AK9: variants seen among roughly 807,000 people sequenced by gnomAD.
AK9 encodes the protein adenylate kinase domain containing 1.
In AK9, 191 loss-of-function variants were observed where a neutral mutation model predicts 239.6. The observed-to-expected ratio is 0.80, with a 90% CI of 0.71 to 0.90. The LOEUF (loss-of-function observed/expected upper bound fraction) is 0.90, where lower values mean the gene tolerates loss of function less well. AK9 is among the 40% of genes least tolerant of loss of function. The pLI, the probability that AK9 is intolerant of heterozygous loss-of-function variation, is 0.00. For synonymous variants in AK9, 689 were observed against 721.0 expected, an observed-to-expected ratio of 0.96 and a Z score of 0.71; for missense variants, 1,995 against 2,214.7, an observed-to-expected ratio of 0.90 and a Z score of 1.99.
At chr6:109,536,121 A>C (rs1582889889) in intron 27 of AK9, among the ~76,000 whole-genome samples, 1 of 152,116 alleles carries the variant, frequency 6.6e-6, no homozygotes, top group East Asian at 1.9e-4. Flanking sequence ...ACTTTAAGAT[A>C]GTTTTTTTCC....
chr6:109,590,876 C>T (rs1402891120), intron 17 of AK9, among the ~76,000 whole-genome samples: 1 of 152,058 alleles, frequency 6.6e-6, no homozygotes, highest in Non-Finnish European at 1.5e-5. Context: ...CCACTTTGGT[C>T]CAAGAAGGTA....
In AK9 at chr6:109,506,774, G is replaced by GT; in HGVS notation, c.4507dup (p.Thr1503AsnfsTer2). Reference sequence around the variant, plus strand: ...TTCCAAGAGATTCATTTGATGTTTAGTTACAGGATATCCATCGATGACAAC... The same window carrying GT: ...TTCCAAGAGATTCATTTGATGTTTAGTTTACAGGATATCCATCGATGACAAC... On this transcript the variant is annotated frameshift_variant, in exon 34 of 41. Coordinates refer to ENST00000424296, the MANE Select transcript of AK9 (RefSeq NM_001145128.3). LOFTEE classifies it high-confidence loss of function. The GT allele has an allele frequency of 6.6e-7, 1 of 1,511,506 alleles. No homozygotes were observed. Among genetic ancestry groups the GT allele is most frequent in the Non-Finnish European group, 8.9e-7 (1 of 1,123,526 alleles). 93.6% of individuals were successfully genotyped at this position (1,511,506 alleles called of 1,614,324 possible). A position where few individuals can be genotyped will look rare whatever the true frequency, so the allele number is the denominator to read the frequency against.
chr6:109,643,254 C>T (rs192307451), intron 9 of AK9, among the ~76,000 whole-genome samples: 68 of 152,300 alleles, frequency 4.5e-4, no homozygotes, highest in Non-Finnish European at 1.5e-4. Context: ...AGAGCATGTC[C>T]CAAGTGAGGA....
chr6:109,637,059 GTTAT>G (rs1796812020), intron 10 of AK9, among the ~76,000 whole-genome samples: 1 of 152,062 alleles, frequency 6.6e-6, no homozygotes, highest in Non-Finnish European at 1.5e-5. Context: ...ATCAACATTT[GTTAT>G]TTCTCATTTT....
intron 17 of AK9, among the ~76,000 whole-genome samples, chr6:109,597,002 TTA>T (rs1287981592): frequency 1.3e-5 from 2 of 152,262 alleles, no homozygotes; most frequent in Non-Finnish European, 2.9e-5. Context: ...TGTTAAATAT[TTA>T]TGTCATTTGT....
chr6:109,573,462 G>T lies in AK9; in HGVS notation c.2324C>A (p.Pro775His). The change falls in exon 21 of 41, where the codon CCT becomes CAT. Residue 775 changes from proline to histidine, a missense_variant. Pro to His is a moderately conservative substitution (Grantham distance 77, BLOSUM62 -2). This residue lies in a region of AK9 where 1,290 missense variants were observed against 1,392.7 expected (regional missense o/e 0.93). Coordinates refer to ENST00000424296, the MANE Select transcript of AK9 (RefSeq NM_001145128.3). Reference sequence around the variant, plus strand: ...CTAACCTGCTTCAGGCTCAGTTTCAGGGACCTCAGATGCTTCAAACTCCTC... The same window carrying T: ...CTAACCTGCTTCAGGCTCAGTTTCATGGACCTCAGATGCTTCAAACTCCTC... ...LPEEFEASEV[P>H]ETEPEAVSEP... is the part of the protein sequence containing the mutation. 1 of 1,548,976 alleles carries T rather than the reference G, an allele frequency of 6.5e-7. No homozygotes were observed. The highest frequency in any genetic ancestry group is 1.2e-5 in the South Asian group (1 of 83,480).
At position 109,662,582 on chromosome 6, in the gene AK9, TTTAAG is replaced by T; in HGVS notation, c.408_412del (p.Asn136LysfsTer5). 1 of 1,578,780 alleles carries T rather than the reference TTTAAG, an allele frequency of 6.3e-7. No individual in the cohort carries two copies. The highest frequency in any genetic ancestry group is 1.8e-5 in the Admixed American group (1 of 56,328). On this transcript the variant is annotated frameshift_variant, in exon 6 of 41. Coordinates refer to ENST00000424296, the MANE Select transcript of AK9 (RefSeq NM_001145128.3). LOFTEE classifies it high-confidence loss of function. ...ATTGATTATAACATCAGGTTTCAGG[TTTAAG>T]TTTTTAATTAATTCTATTTGCTGTA...
Position 109,644,597 on chromosome 6 carries a change from CT to C in AK9, c.834+16del. On this transcript the variant is annotated intron_variant, in intron 9 of 40. Coordinates refer to ENST00000424296, the MANE Select transcript of AK9 (RefSeq NM_001145128.3). ...TTTTCCATGCTGTGAAGTATTCCTG[CT>C]TAACACTGCACTCACCATAAAGAGC... is the stretch of plus-strand genomic sequence containing the variant. 1 of 1,588,956 alleles carries C rather than the reference CT, an allele frequency of 6.3e-7. No homozygotes were observed. The highest frequency in any genetic ancestry group is 8.6e-7 in the Non-Finnish European group (1 of 1,169,428).
intron 12 of AK9, among the ~76,000 whole-genome samples, chr6:109,627,133 CTTTTTTTT>C (rs71018357): frequency 3.0e-5 from 2 of 67,308 alleles, no homozygotes; most frequent in African/African-American, 1.2e-4. Flanking sequence ...GATGTTTAAG[CTTTTTTTT>C]TTTTTTTTTT....
Position 109,633,281 on chromosome 6 carries a change from G to C in AK9, c.976C>G (p.Pro326Ala). 6.2e-7 allele frequency: 1 copy of C among 1,607,514 alleles called. No homozygotes were observed. Among genetic ancestry groups the C allele is most frequent in the African/African-American group, 1.3e-5 (1 of 74,742 alleles). ...RTLASYKLIA[P>A]RYRWQRSKWG... Reference sequence around the variant, plus strand: ...TTACTTCTTTGCCATCTGTATCTTGGTGCAATAAGTTTATAAGATGCAAGA... The same window carrying C: ...TTACTTCTTTGCCATCTGTATCTTGCTGCAATAAGTTTATAAGATGCAAGA... Residue 326 changes from proline (P) to alanine (A), a missense_variant, in exon 11 of 41, where the codon CCA (proline) becomes GCA (alanine). Physicochemically the swap from Pro to Ala is conservative, Grantham distance 27. Transcript: ENST00000424296.
At chr6:109,546,155 G>GT in intron 25 of AK9, 28 bp from the exon 26 acceptor site, 1 of 1,329,306 alleles carries the variant, frequency 7.5e-7, no homozygotes, top group Non-Finnish European at 1.0e-6. Flanking sequence ...TCAGGGAGGG[G>GT]TGGGATAAAG....
chr6:109,604,369 C>T (rs1413287471), intron 17 of AK9, among the ~76,000 whole-genome samples: 2 of 152,104 alleles, frequency 1.3e-5, no homozygotes, highest in Non-Finnish European at 1.5e-5. Context: ...AATAAAATAT[C>T]ATTTTTACGT....
At chr6:109,510,516 C>T (rs1393588204) in intron 32 of AK9, among the ~76,000 whole-genome samples, 1 of 152,066 alleles carries the variant, frequency 6.6e-6, no homozygotes, top group Non-Finnish European at 1.5e-5. Flanking sequence ...CTCTCCAGGG[C>T]CTCCTCTCTG....
In AK9 at chr6:109,576,420, C is replaced by CTT. The variant is rs3060763; in HGVS notation, c.2192-2828_2192-2827dup. Among the ~76,000 whole-genome samples, 409 of 103,504 alleles carry CTT rather than the reference C, an allele frequency of 4.0e-3. 7 individuals are homozygous for CTT. The highest frequency in any genetic ancestry group is 0.013 in the African/African-American group (391 of 30,096). The allele number at this position is 103,504 out of a possible 152,430, so 67.9% of individuals were successfully genotyped here. On this transcript the variant is annotated intron_variant, in intron 20 of 40. Transcript: ENST00000424296. ...GGTTAGGTGTATATACATATATATA[C>CTT]TTTTTTTTTTTTTTTTTGCAGCTGT...
intron 1 of AK9, among the ~76,000 whole-genome samples, chr6:109,678,674 T>C (rs1772122799): frequency 1.3e-5 from 2 of 152,076 alleles, no homozygotes. Context: ...GCAAGATAGC[T>C]GAATAGGAAC....
chr6:109,620,459 T>A (rs1400836191), intron 12 of AK9, among the ~76,000 whole-genome samples: 1 of 152,150 alleles, frequency 6.6e-6, no homozygotes, highest in Non-Finnish European at 1.5e-5. Context: ...AAGCATATGT[T>A]CAGCTTTTGC....
chr6:109,617,588 T>C lies in AK9; in HGVS notation c.1399+1504A>G, dbSNP rs188865789. ...AATTTAGTAATTGTTATTTGTAACA[T>C]TGGCTCAGCATTTGGGAAAAATAAT... On this transcript the variant is annotated intron_variant, in intron 13 of 40. Transcript: ENST00000424296. Among the ~76,000 whole-genome samples, 187 of 152,232 alleles carry C rather than the reference T, an allele frequency of 1.2e-3. No individual in the cohort carries two copies. The South Asian group carries it at 0.033, about 27-fold the overall frequency.
At chr6:109,658,006 T>A (rs1422359338) in intron 7 of AK9, among the ~76,000 whole-genome samples, 1 of 152,342 alleles carries the variant, frequency 6.6e-6, no homozygotes, top group East Asian at 1.9e-4. Flanking sequence ...CTGTTTTAAG[T>A]ATTATTTTAA....
intron 17 of AK9, among the ~76,000 whole-genome samples, chr6:109,603,516 G>T (rs1287125043): frequency 6.6e-6 from 1 of 152,108 alleles, no homozygotes; most frequent in Non-Finnish European, 1.5e-5. Context: ...CTACTTGGGG[G>T]TCAGGGACCC....
Sources: gnomAD v4.1 joint callset for allele counts (sites outside exome capture counted in the v4.1 genomes callset) on GRCh38, gnomAD v4.1.1 for gene constraint, gnomAD v4.1.1 regional missense constraint, MANE v1.5 for transcripts, NCBI Gene and HGNC (gene_info 2026-07-23, HGNC 2026-07-21) for gene names.